FNBP4: variants seen among roughly 807,000 people sequenced by gnomAD.
FNBP4 encodes the protein formin binding protein 4.
FNBP4 carries 34 observed loss-of-function variants against 119.3 expected under a neutral mutation model. The ratio of observed to expected loss-of-function variants is 0.28; its 90% CI spans 0.22 to 0.38. The LOEUF is 0.38. Ranked by LOEUF, FNBP4 falls within the 10% of genes least tolerant of loss-of-function variation. The pLI is 1.00. For missense variants in FNBP4, 1,112 were observed against 1,228.9 expected, an observed-to-expected ratio of 0.90 and a Z score of 1.42; for synonymous variants, 462 against 430.6, an observed-to-expected ratio of 1.07 and a Z score of -0.90.
chr11:47,742,335 T>G (rs2135172808), intron 8 of FNBP4, among the ~76,000 whole-genome samples: 1 of 150,132 alleles, frequency 6.7e-6, no homozygotes, highest in Admixed American at 6.7e-5. Context: ...AAAAACTAGC[T>G]GGGCATGGTA....
intron 2 of FNBP4, 75 bp downstream of exon 2, chr11:47,765,195 T>G: frequency 1.1e-6 from 1 of 912,310 alleles, no homozygotes; most frequent in Non-Finnish European, 1.8e-6. Flanking sequence ...CAGCAAAACA[T>G]TCTATGTACA....
chr11:47,764,340 C>A (rs899344817), intron 2 of FNBP4, among the ~76,000 whole-genome samples: 4 of 152,184 alleles, frequency 2.6e-5, no homozygotes, highest in Non-Finnish European at 5.9e-5. Context: ...CCTCAGACTA[C>A]CAAAGTGCTG....
intron 14 of FNBP4, 100 bp downstream of exon 14, chr11:47,723,928 A>C: frequency 9.0e-7 from 1 of 1,115,508 alleles, no homozygotes; most frequent in East Asian, 2.5e-5. Flanking sequence ...CAGTCTTTGC[A>C]ATCAAGAGCC....
rs758293955 is a variant in FNBP4, at chr11:47,767,314, C to A, written c.-26G>T. 5 of 1,457,264 alleles carry A rather than the reference C, an allele frequency of 3.4e-6. No individual in the cohort carries two copies. Among genetic ancestry groups the A allele is most frequent in the Non-Finnish European group, 4.5e-6 (5 of 1,111,238 alleles). The allele number at this position is 1,457,264 out of a possible 1,614,324, so 90.3% of individuals were successfully genotyped here. A position where few individuals can be genotyped will look rare whatever the true frequency, so the allele number is the denominator to read the frequency against. ...CGCGAGCCCAAGCGCGAGCAGAGAG[C>A]GTCGGGCGGCCGAGAGGGGCGGGCA... On this transcript the variant is annotated 5_prime_UTR_variant, in exon 1 of 17. Transcript: ENST00000263773.
chr11:47,736,214 C>T (rs2097573852), intron 9 of FNBP4, among the ~76,000 whole-genome samples: 1 of 148,686 alleles, frequency 6.7e-6, no homozygotes, highest in Non-Finnish European at 1.5e-5. Flanking sequence ...GCACTCCAGC[C>T]TGGATGGCAG....
intron 2 of FNBP4, among the ~76,000 whole-genome samples, chr11:47,755,435 G>A (rs1233811879): frequency 2.2e-4 from 34 of 151,786 alleles, no homozygotes; most frequent in Admixed American, 2.2e-3. Flanking sequence ...GGCAACAACA[G>A]TGAAAATCCG....
At chr11:47,767,023 G>A in intron 1 of FNBP4, 46 bp downstream of exon 1, 1 of 1,508,100 alleles carries the variant, frequency 6.6e-7, no homozygotes, top group Non-Finnish European at 8.8e-7. Context: ...AGGAGCCTAG[G>A]CCGCAAGCCC....
chr11:47,726,624 GT>G (rs943259170), intron 12 of FNBP4: 1 of 151,870 alleles, frequency 6.6e-6, no homozygotes, highest in Non-Finnish European at 1.5e-5. Flanking sequence ...CATAAATGCA[GT>G]TTTCTGGCTA....
At chr11:47,740,363 G>A (rs976446749) in intron 8 of FNBP4, among the ~76,000 whole-genome samples, 3 of 147,510 alleles carry the variant, frequency 2.0e-5, no homozygotes, top group Non-Finnish European at 4.5e-5. Context: ...AGTGAGCCAC[G>A]ATCGTGACAC....
chr11:47,758,686 C>T (rs2097625646), intron 2 of FNBP4, among the ~76,000 whole-genome samples: 2 of 151,700 alleles, frequency 1.3e-5, no homozygotes, highest in Non-Finnish European at 2.9e-5. Flanking sequence ...ATGGTGAAAT[C>T]CCACCTCTAC....
At chr11:47,733,533 C>T (rs1444503529) in intron 10 of FNBP4, among the ~76,000 whole-genome samples, 1 of 152,022 alleles carries the variant, frequency 6.6e-6, no homozygotes, top group African/African-American at 2.4e-5. Context: ...TGGAGTTTCA[C>T]CATGTTGGTC....
intron 16 of FNBP4, 40 bp downstream of exon 16, chr11:47,719,889 C>A (rs1212580720): frequency 6.2e-7 from 1 of 1,609,390 alleles, no homozygotes; most frequent in Non-Finnish European, 8.5e-7. Context: ...TCTCAACCTA[C>A]TCCAAAACCC....
chr11:47,717,559 A>G (rs1301527703), intron 16 of FNBP4, 47 bp from the exon 17 acceptor site: 10 of 1,314,130 alleles, frequency 7.6e-6, no homozygotes, highest in Non-Finnish European at 1.1e-5. Context: ...AAAAATTAAC[A>G]AAAGTATTCA....
intron 7 of FNBP4, among the ~76,000 whole-genome samples, chr11:47,745,110 A>G (rs574482407): frequency 1.3e-5 from 2 of 152,260 alleles, no homozygotes; most frequent in Non-Finnish European, 2.9e-5. Flanking sequence ...CACTGTGATA[A>G]TTGTGTTAAC....
chr11:47,731,462 T>A lies in FNBP4; in HGVS notation c.1920A>T (p.Glu640Asp), dbSNP rs750198321. Residue 640 changes from glutamate to aspartate, a missense_variant, in exon 12 of 17, where the codon GAA (glutamate) becomes GAT (aspartate). Around this residue, in one of 2 missense-constraint regions of FNBP4, gnomAD observed 826 missense variants for 988.8 expected, o/e 0.84. Coordinates refer to ENST00000263773, the MANE Select transcript of FNBP4 (RefSeq NM_015308.5). ...EEEEEESQAQ[E>D]NRDETLAKQT... Reference sequence around the variant, plus strand: ...GTTTGGCAAGAGTCTCATCTCTATTTTCTTGTGCTTGGCTTTCTTCTTCTT... The same window carrying A: ...GTTTGGCAAGAGTCTCATCTCTATTATCTTGTGCTTGGCTTTCTTCTTCTT... The A allele has an allele frequency of 2.5e-6, 4 of 1,614,124 alleles. No individual in the cohort carries two copies. Among genetic ancestry groups the A allele is most frequent in the Non-Finnish European group, 3.4e-6 (4 of 1,180,042 alleles).
intron 8 of FNBP4, among the ~76,000 whole-genome samples, chr11:47,737,172 C>A (rs1217425240): frequency 2.6e-5 from 4 of 152,144 alleles, no homozygotes; most frequent in Non-Finnish European, 5.9e-5. Context: ...GCCTGGGTGA[C>A]AGAGTGAGAC....
At chr11:47,752,384 C>T (rs187255127) in intron 4 of FNBP4, among the ~76,000 whole-genome samples, 1 of 148,280 alleles carries the variant, frequency 6.7e-6, no homozygotes, top group African/African-American at 2.5e-5. Flanking sequence ...GAGATCGCAT[C>T]ACTGCACTCC....
chr11:47,760,437 T>G (rs2097631434), intron 2 of FNBP4, among the ~76,000 whole-genome samples: 1 of 89,226 alleles, frequency 1.1e-5, no homozygotes, highest in African/African-American at 5.2e-5. Flanking sequence ...TATTTTTTTG[T>G]TTTTTTTTTT....
Position 47,716,663 on chromosome 11 carries a change from A to C in FNBP4, c.*759T>G, listed in dbSNP as rs887455575. 6.5e-6 allele frequency: 1 copy of C among 152,694 alleles called. No homozygotes were observed. The highest frequency in any genetic ancestry group is 1.5e-5 in the Non-Finnish European group (1 of 68,054). The allele number at this position is 152,694 out of a possible 1,614,324, so 9.5% of individuals were successfully genotyped here. A position where few individuals can be genotyped will look rare whatever the true frequency, so the allele number is the denominator to read the frequency against. On this transcript the variant is annotated 3_prime_UTR_variant, in exon 17 of 17. Transcript: ENST00000263773. ...CTGATTGTGATACAACAGAAAGTAC[A>C]GAACAGTAAACTGCTTTTTAAATAC...
Sources: gnomAD v4.1 joint callset for allele counts (sites outside exome capture counted in the v4.1 genomes callset) on GRCh38, gnomAD v4.1.1 for gene constraint, gnomAD v4.1.1 regional missense constraint, MANE v1.5 for transcripts, NCBI Gene and HGNC (gene_info 2026-07-23, HGNC 2026-07-21) for gene names.